SUGCT: variants seen among roughly 807,000 people sequenced by gnomAD.
SUGCT encodes the protein succinyl-CoA:glutarate-CoA transferase.
A neutral mutation model predicts 55.0 loss-of-function variants in SUGCT; 41 were observed. The observed-to-expected ratio is 0.74, with a 90% confidence interval of 0.58 to 0.97. The LOEUF is 0.97. SUGCT is among the 50% of genes least tolerant of loss of function. SUGCT has a pLI of 0.00. For missense variants in SUGCT, 568 were observed against 547.8 expected (o/e 1.04, Z -0.37); for synonymous variants, 187 against 200.4 (o/e 0.93, Z 0.56).
At chr7:40,803,476 C>G (rs1181452437) in intron 13 of SUGCT, among the ~76,000 whole-genome samples, 1 of 152,166 alleles carries the variant, frequency 6.6e-6, no homozygotes, top group Non-Finnish European at 1.5e-5. Context: ...ACTCCAAAGC[C>G]TGTGCCTTTA....
At chr7:40,715,087 T>C (rs1785951174) in intron 12 of SUGCT, among the ~76,000 whole-genome samples, 1 of 152,038 alleles carries the variant, frequency 6.6e-6, no homozygotes, top group Admixed American at 6.6e-5. Flanking sequence ...ATTGTAAGGG[T>C]GTGACTTGGA....
At chr7:41,018,109 G>T in the SUGCT span, among the ~76,000 whole-genome samples, 1 of 151,950 alleles carries the variant, frequency 6.6e-6, no homozygotes, top group Non-Finnish European at 1.5e-5. Flanking sequence ...GATCATCTTT[G>T]GTCCAGCTCA....
At chr7:41,038,520 G>C in the SUGCT span, among the ~76,000 whole-genome samples, 2 of 152,120 alleles carry the variant, frequency 1.3e-5, no homozygotes, top group African/African-American at 4.8e-5. Flanking sequence ...AATATACCCA[G>C]TACCCCCAGT....
At chr7:40,646,684 C>T (rs1333508094) in intron 12 of SUGCT, among the ~76,000 whole-genome samples, 1 of 152,164 alleles carries the variant, frequency 6.6e-6, no homozygotes, top group Non-Finnish European at 1.5e-5. Context: ...AATTTATTGT[C>T]ACCTCCACAA....
At chr7:40,899,404 G>A in the SUGCT span, among the ~76,000 whole-genome samples, 35 of 152,262 alleles carry the variant, frequency 2.3e-4, no homozygotes, top group Non-Finnish European at 4.1e-4. Context: ...CGCAGGCTGC[G>A]CCAAAGCCTC....
chr7:40,496,351 ATC>A lies in SUGCT; in HGVS notation c.1055_1056del (p.Ile352LysfsTer40). ...AGGCAGTGGAGTCCCGTATGGCCCA[ATC>A]AACAACATGAAGAATGTATTTGCAG... ...FEGSGVPYGP[I>X]NNMKNVFAEP... On this transcript the variant is annotated frameshift_variant, in exon 12 of 14. Coordinates refer to ENST00000335693, the MANE Select transcript of SUGCT (RefSeq NM_001193313.2). LOFTEE classifies it high-confidence loss of function. 6.2e-7 allele frequency: 1 copy of A among 1,613,098 alleles called. No individual in the cohort carries two copies. The highest frequency in any genetic ancestry group is 8.5e-7 in the Non-Finnish European group (1 of 1,179,380).
chr7:40,620,537 G>T (rs1003405328), intron 12 of SUGCT, among the ~76,000 whole-genome samples: 1 of 151,900 alleles, frequency 6.6e-6, no homozygotes, highest in South Asian at 2.1e-4. Context: ...TGAGTAGCTG[G>T]GATTACAGGC....
the SUGCT span, among the ~76,000 whole-genome samples, chr7:40,903,885 T>A: frequency 6.6e-6 from 1 of 152,164 alleles, no homozygotes; most frequent in African/African-American, 2.4e-5. Flanking sequence ...TGACCTTGTG[T>A]CTTCTGCTCA....
At chr7:41,022,191 G>A in the SUGCT span, among the ~76,000 whole-genome samples, 1 of 152,022 alleles carries the variant, frequency 6.6e-6, no homozygotes, top group Non-Finnish European at 1.5e-5. Context: ...CAGGCAGAAG[G>A]TCTTAAGAGC....
At position 40,498,096 on chromosome 7, in the gene SUGCT, T is replaced by C. The variant is rs113641583; in HGVS notation, c.1089+1710T>C. Among the ~76,000 whole-genome samples the C allele has an allele frequency of 4.5e-3, 678 of 152,296 alleles. 3 individuals are homozygous for C. Among genetic ancestry groups the C allele is most frequent in the African/African-American group, 0.015 (632 of 41,584 alleles). ...TACAAAAATTTTTGTTATTGGTCTATGGCATATTTTCAGTCATTAGCCAGT... is the reference window on the plus strand; with the variant it reads ...TACAAAAATTTTTGTTATTGGTCTACGGCATATTTTCAGTCATTAGCCAGT... On this transcript the variant is annotated intron_variant, in intron 12 of 13. Transcript: ENST00000335693.
At chr7:40,898,630 A>G in the SUGCT span, among the ~76,000 whole-genome samples, 2 of 151,974 alleles carry the variant, frequency 1.3e-5, no homozygotes, top group Non-Finnish European at 2.9e-5. Flanking sequence ...AAGCTGAGGT[A>G]GGAGAATGGC....
the SUGCT span, among the ~76,000 whole-genome samples, chr7:41,003,595 G>C: frequency 6.6e-6 from 1 of 152,100 alleles, no homozygotes; most frequent in African/African-American, 2.4e-5. Flanking sequence ...ACGGTGGCAT[G>C]GGCATATGTC....
intron 9 of SUGCT, among the ~76,000 whole-genome samples, chr7:40,412,150 A>G (rs1325608391): frequency 1.3e-5 from 2 of 152,184 alleles, no homozygotes; most frequent in Non-Finnish European, 2.9e-5. Flanking sequence ...TTTCCTATTC[A>G]ATCATGCCTT....
At chr7:40,997,900 T>C in the SUGCT span, among the ~76,000 whole-genome samples, 2 of 152,164 alleles carry the variant, frequency 1.3e-5, no homozygotes, top group Non-Finnish European at 2.9e-5. Flanking sequence ...GACAATGGTG[T>C]AGACTGTTTC....
At chr7:40,175,346 A>G (rs996005046) in intron 1 of SUGCT, among the ~76,000 whole-genome samples, 1 of 151,772 alleles carries the variant, frequency 6.6e-6, no homozygotes. Context: ...CAGCCCCCCT[A>G]GTAGCTGGGA....
At chr7:41,027,528 G>A in the SUGCT span, among the ~76,000 whole-genome samples, 50 of 152,202 alleles carry the variant, frequency 3.3e-4, no homozygotes, top group African/African-American at 1.0e-3. Flanking sequence ...AATGTTCTGC[G>A]GTGTAAGAAG....
chr7:40,179,501 TG>T (rs1785080553), intron 1 of SUGCT, among the ~76,000 whole-genome samples: 3 of 152,324 alleles, frequency 2.0e-5, no homozygotes, highest in Non-Finnish European at 2.9e-5. Context: ...CAGGCTGGTC[TG>T]GAACTCCTGA....
Position 40,188,448 on chromosome 7 carries a change from A to T in SUGCT, c.227-47A>T. The T allele has an allele frequency of 2.3e-6, 3 of 1,319,194 alleles. No homozygotes were observed. The South Asian group carries it at 4.0e-5, about 18-fold the overall frequency. The allele number at this position is 1,319,194 out of a possible 1,614,324, so 81.7% of individuals were successfully genotyped here. A position where few individuals can be genotyped will look rare whatever the true frequency, so the allele number is the denominator to read the frequency against. On this transcript the variant is annotated intron_variant, in intron 3 of 13. Transcript: ENST00000335693. ...GACTCCATCTCCAAAAAAAAAAAAAAAAAAAAACAAACCCCAAAGATTAAT... is the reference window on the plus strand; with the variant it reads ...GACTCCATCTCCAAAAAAAAAAAAATAAAAAAACAAACCCCAAAGATTAAT...
chr7:40,826,097 C>T (rs17688583), intron 13 of SUGCT, among the ~76,000 whole-genome samples: 30,549 of 152,160 alleles, frequency 0.2, 3,787 homozygotes, highest in South Asian at 0.35. Flanking sequence ...TCATATTGCA[C>T]GGCTAGTTGT....
Sources: gnomAD v4.1 joint callset for allele counts (sites outside exome capture counted in the v4.1 genomes callset) on GRCh38, gnomAD v4.1.1 for gene constraint, MANE v1.5 for transcripts, NCBI Gene and HGNC (gene_info 2026-07-23, HGNC 2026-07-21) for gene names.